SNX29: variants seen among roughly 807,000 people sequenced by gnomAD.
SNX29 encodes sorting nexin-29.
SNX29 carries 78 observed loss-of-function variants against 102.1 expected under a neutral mutation model. The ratio of observed to expected loss-of-function variants is 0.76; its 90% CI spans 0.64 to 0.92. SNX29 has a LOEUF of 0.92. Ranked by LOEUF, SNX29 falls within the 40% of genes least tolerant of loss-of-function variation. SNX29 has a pLI of 0.00. For missense variants in SNX29, 1,280 were observed against 1,061.7 expected, an observed-to-expected ratio of 1.21 and a Z score of -2.86; for synonymous variants, 580 against 414.5, an observed-to-expected ratio of 1.40 and a Z score of -4.85.
At chr16:12,546,845 T>TA (rs1205586029) in intron 20 of SNX29, among the ~76,000 whole-genome samples, 9 of 152,208 alleles carry the variant, frequency 5.9e-5, no homozygotes, top group Non-Finnish European at 1.5e-5. Flanking sequence ...GGATTAAGAT[T>TA]ATACAGTCAC....
chr16:12,144,015 C>T (rs566419513), intron 13 of SNX29, among the ~76,000 whole-genome samples: 7 of 152,244 alleles, frequency 4.6e-5, no homozygotes, highest in Non-Finnish European at 5.9e-5. Flanking sequence ...ACGAAACACC[C>T]GGGGCTCAGG....
chr16:12,436,640 C>A (rs1316600900), intron 18 of SNX29, among the ~76,000 whole-genome samples: 1 of 152,220 alleles, frequency 6.6e-6, no homozygotes, highest in African/African-American at 2.4e-5. Context: ...GGGCCATCAT[C>A]TTTAGGCACT....
At chr16:12,322,857 A>G in intron 15 of SNX29, among the ~76,000 whole-genome samples, 1 of 147,046 alleles carries the variant, frequency 6.8e-6, no homozygotes, top group Non-Finnish European at 1.5e-5. Context: ...CTAGGGGACC[A>G]CTGTCAGGAT....
At chr16:12,053,792 A>T (rs1264187572) in intron 8 of SNX29, among the ~76,000 whole-genome samples, 3 of 151,956 alleles carry the variant, frequency 2.0e-5, no homozygotes, top group Non-Finnish European at 4.4e-5. Context: ...CAGGTGCTGC[A>T]GATGATTTAT....
At chr16:12,513,017 C>G (rs1319726540) in intron 19 of SNX29, among the ~76,000 whole-genome samples, 1 of 152,102 alleles carries the variant, frequency 6.6e-6, no homozygotes, top group Non-Finnish European at 1.5e-5. Flanking sequence ...GCCCTGGCCT[C>G]CAAGGCAGTG....
chr16:12,000,672 T>C (rs1372864566), intron 2 of SNX29, among the ~76,000 whole-genome samples: 2 of 152,138 alleles, frequency 1.3e-5, no homozygotes, highest in African/African-American at 2.4e-5. Flanking sequence ...TACAGGTGCA[T>C]GCCACCACAT....
rs550749691 is a variant in SNX29 at position 12,573,361 on chromosome 16, A to T, written c.*4732A>T. 1.0e-3 allele frequency: 235 copies of T among 225,106 alleles called. No homozygotes were observed. Among genetic ancestry groups the T allele is most frequent in the African/African-American group, 5.1e-3 (231 of 45,012 alleles). The allele number at this position is 225,106 out of a possible 1,614,324, so 13.9% of individuals were successfully genotyped here. A position where few individuals can be genotyped will look rare whatever the true frequency, so the allele number is the denominator to read the frequency against. ...GAGTAGACAGTTACTTCTAAATCCC[A>T]GCAACCAAGTTGCGTATCCTTCCTT... On this transcript the variant is annotated 3_prime_UTR_variant, in exon 21 of 21. Coordinates refer to ENST00000566228, the MANE Select transcript of SNX29 (RefSeq NM_032167.5).
chr16:12,085,079 A>AG (rs2052096697), intron 11 of SNX29, among the ~76,000 whole-genome samples: 1 of 151,564 alleles, frequency 6.6e-6, no homozygotes, highest in African/African-American at 2.4e-5. Flanking sequence ...AAAAAGAAAA[A>AG]GAAAAAAAAA....
intron 16 of SNX29, among the ~76,000 whole-genome samples, chr16:12,365,092 C>G (rs909134038): frequency 6.6e-6 from 1 of 152,128 alleles, no homozygotes; most frequent in Non-Finnish European, 1.5e-5. Flanking sequence ...CATGGTAGCA[C>G]CTGAATGTAA....
rs187541846 is a variant in SNX29, at chr16:12,397,276, T to C, written c.1900-1170T>C. 2.2e-3 allele frequency among the ~76,000 whole-genome samples: 328 copies of C among 152,352 alleles called. 2 individuals are homozygous for C. Among genetic ancestry groups the C allele is most frequent in the Non-Finnish European group, 3.8e-3 (258 of 68,034 alleles). On this transcript the variant is annotated intron_variant, in intron 16 of 20. Coordinates refer to ENST00000566228, the MANE Select transcript of SNX29 (RefSeq NM_032167.5). Reference sequence around the variant, plus strand: ...TCTTCTTGAAGCCTTCAAGACTACTTCAGTCTTTCTTTTTTCACCTTTTAG... The same window carrying C: ...TCTTCTTGAAGCCTTCAAGACTACTCCAGTCTTTCTTTTTTCACCTTTTAG...
Position 12,501,646 on chromosome 16 carries a change from C to G in SNX29, c.2179-23056C>G, listed in dbSNP as rs899715844. ...CTGAGGCAGGAGAATCACTTGAACC[C>G]GAGAGGCAGAGGTTCCAGTGGGCTA... On this transcript the variant is annotated intron_variant, in intron 19 of 20. Coordinates refer to ENST00000566228, the MANE Select transcript of SNX29 (RefSeq NM_032167.5). Among the ~76,000 whole-genome samples the G allele has an allele frequency of 5.5e-5, 8 of 144,832 alleles. No individual in the cohort carries two copies. In the East Asian group the frequency reaches 1.7e-3, roughly 30 times the overall value.
chr16:12,388,527 G>A (rs1238182199), intron 16 of SNX29, among the ~76,000 whole-genome samples: 1 of 152,216 alleles, frequency 6.6e-6, no homozygotes, highest in Non-Finnish European at 1.5e-5. Flanking sequence ...CCAGCTATCA[G>A]TTAGGAATTG....
chr16:12,492,492 C>G (rs1192172361), intron 19 of SNX29, among the ~76,000 whole-genome samples: 1 of 152,156 alleles, frequency 6.6e-6, no homozygotes, highest in African/African-American at 2.4e-5. Flanking sequence ...CCTGTTCACT[C>G]TGATGGTAGT....
At position 12,573,589 on chromosome 16, in the gene SNX29, T is replaced by G. The variant is rs370272174; in HGVS notation, c.*4960T>G. 7 of 222,378 alleles carry G rather than the reference T, an allele frequency of 3.1e-5. No homozygotes were observed. The highest frequency in any genetic ancestry group is 3.7e-4 in the South Asian group (2 of 5,438). 13.8% of individuals were successfully genotyped at this position (222,378 alleles called of 1,614,324 possible). A position where few individuals can be genotyped will look rare whatever the true frequency, so the allele number is the denominator to read the frequency against. ...ACCACTCACCCAGGCTTCCCCCACT[T>G]CCCCTCAAATTTTCTCAGCTCTGCC... On this transcript the variant is annotated 3_prime_UTR_variant, in exon 21 of 21. Coordinates refer to ENST00000566228, the MANE Select transcript of SNX29 (RefSeq NM_032167.5).
chr16:12,039,910 A>C (rs1436503461), intron 4 of SNX29, among the ~76,000 whole-genome samples: 1 of 152,150 alleles, frequency 6.6e-6, no homozygotes, highest in African/African-American at 2.4e-5. Context: ...GTCAGATGTA[A>C]AGTGTTTACT....
chr16:12,545,140 G>A (rs1478249400), intron 20 of SNX29, among the ~76,000 whole-genome samples: 2 of 152,160 alleles, frequency 1.3e-5, no homozygotes, highest in Admixed American at 6.5e-5. Flanking sequence ...ACCTAGCACA[G>A]CTATGAAGTA....
intron 16 of SNX29, among the ~76,000 whole-genome samples, chr16:12,365,817 C>T (rs571061541): frequency 6.0e-5 from 9 of 151,000 alleles, no homozygotes; most frequent in East Asian, 2.0e-4. Context: ...CCGAGGCAGG[C>T]GGATCATGAG....
At chr16:12,200,801 C>T (rs2076896027) in intron 14 of SNX29, among the ~76,000 whole-genome samples, 1 of 152,154 alleles carries the variant, frequency 6.6e-6, no homozygotes, top group African/African-American at 2.4e-5. Context: ...TCTTCAGAGT[C>T]AACCAAACCT....
chr16:12,548,661 A>C (rs556604054), intron 20 of SNX29, among the ~76,000 whole-genome samples: 2 of 152,326 alleles, frequency 1.3e-5, no homozygotes, highest in Admixed American at 1.3e-4. Context: ...GTGTCAACTC[A>C]GCAAGAAGTG....
Sources: gnomAD v4.1 joint callset for allele counts (sites outside exome capture counted in the v4.1 genomes callset) on GRCh38, gnomAD v4.1.1 for gene constraint, MANE v1.5 for transcripts, NCBI Gene and HGNC (gene_info 2026-07-23, HGNC 2026-07-21) for gene names.